ZNF263: variants seen among roughly 807,000 people sequenced by gnomAD.
ZNF263 encodes zinc finger protein 263.
Under a neutral mutation model 63.1 loss-of-function variants are expected in ZNF263, and 49 were observed. That is an observed-to-expected ratio of 0.78 (90% CI 0.62 to 0.99). The LOEUF (loss-of-function observed/expected upper bound fraction) is 0.99. Among genes scored for constraint, ZNF263 ranks in the 50% least tolerant of loss-of-function variants. The pLI is 0.00. For synonymous variants in ZNF263, 352 were observed against 324.2 expected (o/e 1.09, Z -0.92); for missense variants, 872 against 854.8 (o/e 1.02, Z -0.25).
chr16:3,298,555 G>A (rs2150778511), intron 1 of ZNF263, among the ~76,000 whole-genome samples: 1 of 152,170 alleles, frequency 6.6e-6, no homozygotes, highest in Non-Finnish European at 1.5e-5. Flanking sequence ...ACAGTAAGAG[G>A]AAAACAAACA....
rs1362429827 is a variant in ZNF263 at position 3,288,550 on chromosome 16, G to T, written c.866G>T (p.Ser289Ile). 1.2e-6 allele frequency: 2 copies of T among 1,611,050 alleles called. No homozygotes were observed. Among genetic ancestry groups the T allele is most frequent in the Non-Finnish European group, 1.7e-6 (2 of 1,178,806 alleles). ...GTCCAGAGCTGCAAGGAGGGCCTGA[G>T]CCCCAGAGGCCCAGCTCCAGGTAAG... ...PSVQSCKEGL[S>I]PRGPAPGEEK... Residue 289 changes from serine to isoleucine, a missense_variant, in exon 5 of 6, where the codon AGC (serine) becomes ATC (isoleucine). By Grantham distance (142) the Ser-to-Ile change is moderately radical. Coordinates refer to ENST00000219069, the MANE Select transcript of ZNF263 (RefSeq NM_005741.5).
At chr16:3,288,263 A>C (rs1430958255) in intron 4 of ZNF263, among the ~76,000 whole-genome samples, 191 bp from the exon 5 acceptor site, 4 of 152,034 alleles carry the variant, frequency 2.6e-5, no homozygotes, top group Non-Finnish European at 5.9e-5. Flanking sequence ...AAAAAAAAAA[A>C]AAAGTCTCCC....
intron 2 of ZNF263, chr16:3,300,824 C>T (rs536226682): frequency 1.3e-6 from 1 of 766,344 alleles, no homozygotes; most frequent in East Asian, 3.3e-5. Flanking sequence ...AGAAAGCTGC[C>T]AGTTGCAAAG....
chr16:3,297,521 G>A (rs1959789851), intron 1 of ZNF263, among the ~76,000 whole-genome samples: 1 of 129,402 alleles, frequency 7.7e-6, no homozygotes, highest in Non-Finnish European at 1.6e-5. Context: ...CTGGAGTGCA[G>A]TGGCGCGATC....
chr16:3,290,282 A>G lies in ZNF263; in HGVS notation c.1776A>G (p.Arg592=), dbSNP rs539675825. Residue 592 remains arginine (R), a synonymous_variant, in exon 6 of 6, where the codon AGA becomes AGG. Coordinates refer to ENST00000219069, the MANE Select transcript of ZNF263 (RefSeq NM_005741.5). ...TCCGGCAGGGCATGCACCTCACCAG[A>G]CATCAGAGAACACACACAGGAGAGA... ...KSFRQGMHLT[R]HQRTHTGEKP... 7.4e-6 allele frequency: 12 copies of G among 1,614,044 alleles called. No individual in the cohort carries two copies. The highest frequency in any genetic ancestry group is 1.6e-4 in the Middle Eastern group (1 of 6,062).
At chr16:3,299,652 A>T in intron 2 of ZNF263, 1 of 1,560,342 alleles carries the variant, frequency 6.4e-7, no homozygotes. Flanking sequence ...TTGAAGTGTT[A>T]TGGGGGAAGA....
intron 1 of ZNF263, chr16:3,298,856 A>C: frequency 2.4e-6 from 1 of 418,864 alleles, no homozygotes; most frequent in Non-Finnish European, 4.2e-6. Context: ...TAAATTTTAT[A>C]ACCATTATAT....
intron 1 of ZNF263, among the ~76,000 whole-genome samples, chr16:3,297,558 A>T (rs1262073648): frequency 1.5e-5 from 2 of 130,252 alleles, no homozygotes; most frequent in Admixed American, 1.9e-4. Flanking sequence ...TCCGCCTCCC[A>T]GGTTCACGCC....
At chr16:3,300,877 T>G (rs911122435) in intron 2 of ZNF263, 3 of 376,998 alleles carry the variant, frequency 8.0e-6, no homozygotes, top group Non-Finnish European at 1.5e-5. Flanking sequence ...GTGATCATTT[T>G]TCAGAATGCC....
chr16:3,298,531 A>G (rs1959831243), intron 1 of ZNF263, among the ~76,000 whole-genome samples: 1 of 152,236 alleles, frequency 6.6e-6, no homozygotes, highest in South Asian at 2.1e-4. Context: ...CCCTATAATC[A>G]GCATGTTACT....
chr16:3,284,278 G>A (rs1033148270), intron 1 of ZNF263, 73 bp downstream of exon 1: 2 of 1,453,834 alleles, frequency 1.4e-6, no homozygotes, highest in Non-Finnish European at 1.8e-6. Flanking sequence ...GCCCCCGGTC[G>A]AATTCAAGTA....
downstream of ZNF263, among the ~76,000 whole-genome samples, chr16:3,293,573 G>T (rs904031590): frequency 6.6e-6 from 1 of 152,214 alleles, no homozygotes; most frequent in African/African-American, 2.4e-5. Flanking sequence ...GGGACAATAA[G>T]GACCTCTAGC....
chr16:3,285,310 G>A lies in ZNF263; in HGVS notation c.568+71G>A, dbSNP rs1353619562. On this transcript the variant is annotated intron_variant, in intron 2 of 5. Transcript: ENST00000219069. ...GGGTTGCCCCCGACACTAGCTGGATGTAGCAATGATGCGAAGGAGAAGGAA... is the reference window on the plus strand; with the variant it reads ...GGGTTGCCCCCGACACTAGCTGGATATAGCAATGATGCGAAGGAGAAGGAA... 4 of 1,472,396 alleles carry A rather than the reference G, an allele frequency of 2.7e-6. No homozygotes were observed. In the African/African-American group the frequency reaches 4.2e-5, roughly 16 times the overall value. 91.2% of individuals were successfully genotyped at this position (1,472,396 alleles called of 1,614,324 possible).
chr16:3,284,259 G>C (rs1353370595), intron 1 of ZNF263, 54 bp downstream of exon 1: 1 of 1,456,720 alleles, frequency 6.9e-7, no homozygotes, highest in African/African-American at 1.4e-5. Flanking sequence ...CTGAGCACTG[G>C]GACATTGCGC....
In ZNF263 at chr16:3,284,994, C is replaced by T. The variant is rs1422307485; in HGVS notation, c.388-65C>T. ...TCTGTTGAAGGTTTGCTCTCAGTAT[C>T]CTATACTAATTTCCCTTCCTCTTGG... On this transcript the variant is annotated intron_variant, in intron 1 of 5. Transcript: ENST00000219069. 1.6e-5 allele frequency: 25 copies of T among 1,586,036 alleles called. No individual in the cohort carries two copies. In the Middle Eastern group the frequency reaches 7.4e-4, roughly 47 times the overall value.
In ZNF263 at chr16:3,283,615, G is replaced by A. The variant is rs1015194031; in HGVS notation, c.-204G>A. On this transcript the variant is annotated 5_prime_UTR_variant, in exon 1 of 6. Transcript: ENST00000219069. ...GGAAGTCCTGGCGCAGATGGGCCACGGGGCCGGCGTGGCGGCGCCTGGGAC... is the reference window on the plus strand; with the variant it reads ...GGAAGTCCTGGCGCAGATGGGCCACAGGGCCGGCGTGGCGGCGCCTGGGAC... 17 of 692,164 alleles carry A rather than the reference G, an allele frequency of 2.5e-5. No homozygotes were observed. The highest frequency in any genetic ancestry group is 1.2e-4 in the South Asian group (2 of 16,218). 42.9% of individuals were successfully genotyped at this position (692,164 alleles called of 1,614,324 possible). A position where few individuals can be genotyped will look rare whatever the true frequency, so the allele number is the denominator to read the frequency against.
At position 3,285,101 on chromosome 16, in the gene ZNF263, C is replaced by G. The variant is rs142722524; in HGVS notation, c.430C>G (p.Pro144Ala). The G allele has an allele frequency of 1.1e-4, 179 of 1,614,110 alleles. 1 individual carries two copies. Among genetic ancestry groups the G allele is most frequent in the South Asian group, 7.7e-5 (7 of 91,072 alleles). Residue 144 changes from proline (P) to alanine (A), a missense_variant, in exon 2 of 6, where the codon CCT becomes GCT. Pro to Ala is a conservative substitution (Grantham distance 27). Transcript: ENST00000219069. The stretch of plus-strand genomic sequence containing the variant: ...GGGAACAGAAGTGCTTTTGGAGGAG[C>G]CTTTGCCTCTGGAAACAGCACGAGA... ...GRGTEVLLEE[P>A]LPLETARESP...
intron 1 of ZNF263, among the ~76,000 whole-genome samples, chr16:3,297,167 C>G (rs1237235288): frequency 6.6e-6 from 1 of 151,644 alleles, no homozygotes; most frequent in Non-Finnish European, 1.5e-5. Context: ...TGTGGTGGCA[C>G]GCGCCTGTAA....
rs34852026 is a variant in ZNF263, at chr16:3,289,481, A to T, written c.975A>T (p.Arg325=). The T allele has an allele frequency of 2.7e-3, 4,114 of 1,549,278 alleles. 107 individuals are homozygous for T. The African/African-American group carries it at 0.051, about 19-fold the overall frequency. ...AGGTGCTGCTTCCTGACCAGGCCCG[A>T]GGGGAGGTGCCCTGGAGTCCTGAGC... ...HPQVLLPDQA[R]GEVPWSPELG... The change falls in exon 6 of 6, where the codon CGA becomes CGT. Residue 325 remains arginine (R), a synonymous_variant. Coordinates refer to ENST00000219069, the MANE Select transcript of ZNF263 (RefSeq NM_005741.5).
Sources: allele counts gnomAD v4.1 joint callset (sites outside exome capture counted in the v4.1 genomes callset), GRCh38; gene constraint gnomAD v4.1.1; transcripts MANE v1.5; gene names NCBI Gene and HGNC (gene_info 2026-07-23, HGNC 2026-07-21).